NDC1: variants seen among roughly 807,000 people sequenced by gnomAD.
NDC1 encodes the protein NDC1 transmembrane nucleoporin.
NDC1 carries 24 observed loss-of-function variants against 89.8 expected under a neutral mutation model. The ratio of observed to expected loss-of-function variants is 0.27; its 90% CI spans 0.19 to 0.38. The LOEUF (loss-of-function observed/expected upper bound fraction) is 0.38. NDC1 is among the 10% of genes least tolerant of loss of function. The pLI, the probability that NDC1 is intolerant of heterozygous loss-of-function variation, is 1.00. For synonymous variants in NDC1, 296 were observed against 284.8 expected (o/e 1.04, Z -0.39); for missense variants, 728 against 797.6 (o/e 0.91, Z 1.05).
Position 53,782,224 on chromosome 1 carries a change from C to G in NDC1, c.1800+4934G>C, listed in dbSNP as rs114877038. Among the ~76,000 whole-genome samples, 849 of 152,218 alleles carry G rather than the reference C, an allele frequency of 5.6e-3. 10 individuals are homozygous for G. The highest frequency in any genetic ancestry group is 0.019 in the African/African-American group (793 of 41,518). Reference sequence around the variant, plus strand: ...GAATAGTCTATGGTAGTTATAAGAGCAGAGGACTCATGGGAATAGCAGAGT... The same window carrying G: ...GAATAGTCTATGGTAGTTATAAGAGGAGAGGACTCATGGGAATAGCAGAGT... On this transcript the variant is annotated intron_variant, in intron 16 of 17. Coordinates refer to ENST00000371429, the MANE Select transcript of NDC1 (RefSeq NM_018087.5).
intron 15 of NDC1, among the ~76,000 whole-genome samples, chr1:53,788,847 T>C (rs528022180): frequency 1.3e-5 from 2 of 152,028 alleles, no homozygotes; most frequent in East Asian, 3.9e-4. Flanking sequence ...CAGTGAGCCA[T>C]GTTCATAACA....
chr1:53,814,271 C>T (rs950136522), intron 6 of NDC1, among the ~76,000 whole-genome samples: 5 of 152,110 alleles, frequency 3.3e-5, no homozygotes, highest in Admixed American at 6.6e-5. Context: ...AGGAGAATGG[C>T]GTGAACCCGG....
chr1:53,789,360 T>G (rs1167003603), intron 14 of NDC1, among the ~76,000 whole-genome samples, 164 bp from the exon 15 acceptor site: 1 of 152,266 alleles, frequency 6.6e-6, no homozygotes, highest in Non-Finnish European at 1.5e-5. Flanking sequence ...ATTACTCATT[T>G]AACTATAATA....
At position 53,807,641 on chromosome 1, in the gene NDC1, T is replaced by A. The variant is rs372613580; in HGVS notation, c.891+15A>T. On this transcript the variant is annotated intron_variant, in intron 8 of 17. Transcript: ENST00000371429. ...AACACAAAAGTATTAAGAAAAAATA[T>A]TTTAAAAAACATACCTCTGTGGCAT... is the stretch of plus-strand genomic sequence containing the variant. 6.3e-7 allele frequency: 1 copy of A among 1,586,510 alleles called. No individual in the cohort carries two copies. The highest frequency in any genetic ancestry group is 1.4e-5 in the African/African-American group (1 of 72,868).
intron 17 of NDC1, among the ~76,000 whole-genome samples, chr1:53,768,802 T>C (rs1647088070): frequency 6.6e-6 from 1 of 152,238 alleles, no homozygotes; most frequent in Admixed American, 6.5e-5. Flanking sequence ...TTGAACCATG[T>C]ACCTCCAATT....
chr1:53,838,229 G>C lies in NDC1; in HGVS notation c.33C>G (p.Gly11=). The C allele has an allele frequency of 2.0e-6, 3 of 1,536,522 alleles. No homozygotes were observed. In the South Asian group the frequency reaches 3.6e-5, roughly 18 times the overall value. Reference sequence around the variant, plus strand: ...CGCGCCACAGTATGTCCCGCGACCTGCCGGCGCAGGGCCGGCTCACGGCCG... The same window carrying C: ...CGCGCCACAGTATGTCCCGCGACCTCCCGGCGCAGGGCCGGCTCACGGCCG... MATAVSRPCA[G]RSRDILWRVL... is the part of the protein sequence containing the mutation. Residue 11 remains glycine (G), a synonymous_variant, in exon 1 of 18, where the codon GGC becomes GGG. Transcript: ENST00000371429.
rs1210119277 is a variant in NDC1 at position 53,766,393 on chromosome 1, T to C, written c.*1577A>G. 1 of 152,210 alleles carries C rather than the reference T, an allele frequency of 6.6e-6. No individual in the cohort carries two copies. Among genetic ancestry groups the C allele is most frequent in the Non-Finnish European group, 1.5e-5 (1 of 68,028 alleles). 9.4% of individuals were successfully genotyped at this position (152,210 alleles called of 1,614,324 possible). ...ATACATGGAAGACAACAGTTCTCAG[T>C]CAACCTAGCCACAATTTTCTGTCTT... is the stretch of plus-strand genomic sequence containing the variant. On this transcript the variant is annotated 3_prime_UTR_variant, in exon 18 of 18. Transcript: ENST00000371429.
intron 16 of NDC1, among the ~76,000 whole-genome samples, chr1:53,784,191 G>C (rs557625839): frequency 6.6e-6 from 1 of 151,586 alleles, no homozygotes; most frequent in South Asian, 2.1e-4. Flanking sequence ...TAAAAGGTGA[G>C]TACTGTTCCA....
intron 7 of NDC1, among the ~76,000 whole-genome samples, chr1:53,809,388 A>G (rs1342271150): frequency 6.6e-6 from 1 of 152,032 alleles, no homozygotes; most frequent in African/African-American, 2.4e-5. Flanking sequence ...GTCTCGCTCT[A>G]TTGCCTAGGC....
At chr1:53,781,795 T>C (rs1359835668) in intron 16 of NDC1, among the ~76,000 whole-genome samples, 1 of 152,128 alleles carries the variant, frequency 6.6e-6, no homozygotes, top group Non-Finnish European at 1.5e-5. Flanking sequence ...ATCACATTCC[T>C]GCCTCTCAAA....
At chr1:53,799,201 G>A (rs1000429306) in intron 11 of NDC1, among the ~76,000 whole-genome samples, 2 of 152,010 alleles carry the variant, frequency 1.3e-5, no homozygotes, top group Admixed American at 6.6e-5. Flanking sequence ...TTATCCAGTC[G>A]GACTCCTTTT....
chr1:53,800,583 C>T (rs1557576909), intron 11 of NDC1, 110 bp downstream of exon 11: 2 of 1,223,744 alleles, frequency 1.6e-6, no homozygotes, highest in Non-Finnish European at 2.3e-6. Context: ...CCTCGGCCTC[C>T]CAAAGTGCGG....
intron 10 of NDC1, among the ~76,000 whole-genome samples, chr1:53,803,268 TG>T (rs1647981914): frequency 6.6e-6 from 1 of 152,186 alleles, no homozygotes; most frequent in South Asian, 2.1e-4. Flanking sequence ...GGTCTCATCA[TG>T]TTGCCCAGGC....
In NDC1 at chr1:53,789,255, C is replaced by T. The variant is rs911806073; in HGVS notation, c.1636-59G>A. 5.9e-5 allele frequency: 64 copies of T among 1,080,154 alleles called. No homozygotes were observed. The Middle Eastern group carries it at 2.0e-3, about 33-fold the overall frequency. 66.9% of individuals were successfully genotyped at this position (1,080,154 alleles called of 1,614,324 possible). A position where few individuals can be genotyped will look rare whatever the true frequency, so the allele number is the denominator to read the frequency against. ...CCCCTGAGCAAAAACTCCATTATTT[C>T]CTTTAATTAAATATGTAGACCACAA... On this transcript the variant is annotated intron_variant, in intron 14 of 17. Coordinates refer to ENST00000371429, the MANE Select transcript of NDC1 (RefSeq NM_018087.5).
rs1307958279 is a variant in NDC1, at chr1:53,828,295, G to A, written c.281-122C>T. ...AGGCAGAGAGAAATCCACAGTCAAC[G>A]CAAATACAATACAGAAAAATTTAAA... On this transcript the variant is annotated intron_variant, in intron 3 of 17. Transcript: ENST00000371429. 13 of 846,804 alleles carry A rather than the reference G, an allele frequency of 1.5e-5. No individual in the cohort carries two copies. In the East Asian group the frequency reaches 1.7e-4, roughly 11 times the overall value. 52.5% of individuals were successfully genotyped at this position (846,804 alleles called of 1,614,324 possible).
intron 16 of NDC1, among the ~76,000 whole-genome samples, chr1:53,785,947 C>A (rs1052491716): frequency 6.6e-6 from 1 of 151,050 alleles, no homozygotes; most frequent in Non-Finnish European, 1.5e-5. Flanking sequence ...ACTTTTGAGA[C>A]AAGGTCTCAC....
At chr1:53,801,477 A>C (rs1027684126) in intron 10 of NDC1, among the ~76,000 whole-genome samples, 1 of 152,198 alleles carries the variant, frequency 6.6e-6, no homozygotes, top group African/African-American at 2.4e-5. Flanking sequence ...CTTATTTCTC[A>C]TAGTAGATCT....
At chr1:53,825,337 G>A (rs954438099) in intron 5 of NDC1, among the ~76,000 whole-genome samples, 7 of 151,478 alleles carry the variant, frequency 4.6e-5, no homozygotes, top group South Asian at 2.1e-4. Flanking sequence ...TGAACTGGGC[G>A]TGATGGCATG....
chr1:53,810,188 A>T (rs1179470494), intron 6 of NDC1, among the ~76,000 whole-genome samples: 1 of 152,216 alleles, frequency 6.6e-6, no homozygotes. Context: ...CACAGACAGC[A>T]AAGCATGTAG....
Sources: allele counts gnomAD v4.1 joint callset (sites outside exome capture counted in the v4.1 genomes callset), GRCh38; gene constraint gnomAD v4.1.1; transcripts MANE v1.5; gene names NCBI Gene and HGNC (gene_info 2026-07-23, HGNC 2026-07-21).